TMED10: variants seen among roughly 807,000 people sequenced by gnomAD.
The protein encoded by TMED10 is transmembrane p24 trafficking protein 10.
In TMED10, 7 loss-of-function variants were observed where a neutral mutation model predicts 23.1. The observed-to-expected ratio is 0.30, with a 90% CI of 0.17 to 0.57. The LOEUF (loss-of-function observed/expected upper bound fraction) is 0.57. Among genes scored for constraint, TMED10 ranks in the 20% least tolerant of loss-of-function variants. TMED10 has a pLI of 0.91. For synonymous variants in TMED10, 113 were observed against 106.9 expected, an observed-to-expected ratio of 1.06 and a Z score of -0.35; for missense variants, 162 against 274.8, an observed-to-expected ratio of 0.59 and a Z score of 2.90.
chr14:75,165,239 CT>C (rs200928514), intron 1 of TMED10, among the ~76,000 whole-genome samples: 22 of 151,204 alleles, frequency 1.5e-4, no homozygotes, highest in African/African-American at 4.6e-4. Flanking sequence ...TTCTTTCTTT[CT>C]TTTTTTTTAG....
At chr14:75,147,483 C>T (rs1895901150) in intron 3 of TMED10, 181 bp downstream of exon 3, 5 of 697,798 alleles carry the variant, frequency 7.2e-6, no homozygotes, top group East Asian at 5.1e-5. Flanking sequence ...AGTGAGCCAC[C>T]GCGCCCGGCT....
chr14:75,172,730 T>A (rs2139864334), intron 1 of TMED10, among the ~76,000 whole-genome samples: 1 of 152,274 alleles, frequency 6.6e-6, no homozygotes, highest in South Asian at 2.1e-4. Flanking sequence ...TTTAATACAA[T>A]TTAGCATGAA....
chr14:75,166,475 C>T (rs964850738), intron 1 of TMED10, among the ~76,000 whole-genome samples: 1 of 152,146 alleles, frequency 6.6e-6, no homozygotes, highest in Non-Finnish European at 1.5e-5. Context: ...ATATTTGTTC[C>T]ACTTTCCTAG....
chr14:75,156,916 A>AAAAAAGAAAAG (rs148563522), intron 1 of TMED10, among the ~76,000 whole-genome samples: 1 of 135,578 alleles, frequency 7.4e-6, no homozygotes, highest in Admixed American at 7.8e-5. Context: ...CCGTCTCAAA[A>AAAAAAGAAAAG]AAAAGAAAAG....
chr14:75,164,729 C>T (rs1309092934), intron 1 of TMED10, among the ~76,000 whole-genome samples: 2 of 147,298 alleles, frequency 1.4e-5, no homozygotes, highest in Non-Finnish European at 3.0e-5. Context: ...GGCCCATTAA[C>T]CATATGTTCT....
intron 1 of TMED10, among the ~76,000 whole-genome samples, chr14:75,158,276 G>A (rs977179255): frequency 1.3e-5 from 2 of 152,292 alleles, no homozygotes; most frequent in African/African-American, 4.8e-5. Context: ...TCTTGTTTGT[G>A]TGATAATTTT....
intron 3 of TMED10, 95 bp downstream of exon 3, chr14:75,147,569 T>C: frequency 7.8e-7 from 1 of 1,288,144 alleles, no homozygotes; most frequent in Non-Finnish European, 1.1e-6. Flanking sequence ...ACCACAGCCC[T>C]TTGGGCAAAG....
intron 1 of TMED10, among the ~76,000 whole-genome samples, chr14:75,163,047 C>G (rs750668911): frequency 3.3e-5 from 5 of 150,644 alleles, no homozygotes; most frequent in Non-Finnish European, 4.4e-5. Flanking sequence ...CCAGCCTGGG[C>G]AACACAGGAA....
At chr14:75,169,142 T>G (rs1306918722) in intron 1 of TMED10, among the ~76,000 whole-genome samples, 2 of 152,360 alleles carry the variant, frequency 1.3e-5, no homozygotes, top group East Asian at 3.9e-4. Context: ...AAGGTCCTAC[T>G]ATGTGCCAGG....
At chr14:75,139,756 A>G (rs1895798862) in intron 3 of TMED10, among the ~76,000 whole-genome samples, 1 of 152,114 alleles carries the variant, frequency 6.6e-6, no homozygotes, top group Non-Finnish European at 1.5e-5. Flanking sequence ...TTTTTGCCTA[A>G]TAAGTACCTT....
Position 75,147,637 on chromosome 14 carries a change from T to A in TMED10, c.411+27A>T, listed in dbSNP as rs375500253. 4.8e-4 allele frequency: 782 copies of A among 1,612,862 alleles called. 2 individuals are homozygous for A. The South Asian group carries it at 5.2e-3, about 11-fold the overall frequency. ...CCTCACAGCATAGCACACTGCTGCC[T>A]CCTCTGGCTGTTAGAGCAGGACATA... On this transcript the variant is annotated intron_variant, in intron 3 of 4. Coordinates refer to ENST00000303575, the MANE Select transcript of TMED10 (RefSeq NM_006827.6).
chr14:75,151,096 G>C (rs1895950656), intron 2 of TMED10, among the ~76,000 whole-genome samples: 1 of 152,016 alleles, frequency 6.6e-6, no homozygotes, highest in Admixed American at 6.6e-5. Context: ...AGTAGAGATG[G>C]GGTTTCGCCA....
chr14:75,136,096 C>A (rs921221043), intron 3 of TMED10, among the ~76,000 whole-genome samples: 2 of 152,168 alleles, frequency 1.3e-5, no homozygotes, highest in Admixed American at 1.3e-4. Flanking sequence ...TTAATTTTGA[C>A]TAAAATCTTA....
intron 1 of TMED10, among the ~76,000 whole-genome samples, chr14:75,170,312 G>A (rs1482491903): frequency 6.6e-6 from 1 of 152,148 alleles, no homozygotes; most frequent in Non-Finnish European, 1.5e-5. Flanking sequence ...TCACAAATGT[G>A]TTCTGTGGCT....
At chr14:75,174,934 G>T (rs908281032) in intron 1 of TMED10, among the ~76,000 whole-genome samples, 1 of 150,580 alleles carries the variant, frequency 6.6e-6, no homozygotes, top group Non-Finnish European at 1.5e-5. Flanking sequence ...TAGCTACTCG[G>T]AAGGCTGAGG....
At chr14:75,162,741 C>T (rs530603430) in intron 1 of TMED10, among the ~76,000 whole-genome samples, 158 of 152,004 alleles carry the variant, frequency 1.0e-3, no homozygotes, top group African/African-American at 3.5e-3. Flanking sequence ...GCAGTATCAA[C>T]GTGACAAATC....
intron 2 of TMED10, among the ~76,000 whole-genome samples, chr14:75,148,682 C>T (rs950060871): frequency 3.3e-5 from 5 of 152,188 alleles, no homozygotes; most frequent in Admixed American, 1.3e-4. Context: ...ATAAGCCACA[C>T]TGAATGGTAC....
chr14:75,172,599 C>T (rs926045772), intron 1 of TMED10, among the ~76,000 whole-genome samples: 2 of 152,142 alleles, frequency 1.3e-5, no homozygotes, highest in Admixed American at 1.3e-4. Context: ...TGAGCCACCG[C>T]GCCTGGCCAT....
chr14:75,163,502 G>A (rs559429707), intron 1 of TMED10, among the ~76,000 whole-genome samples: 14 of 140,010 alleles, frequency 1.0e-4, no homozygotes, highest in Middle Eastern at 4.2e-3. Flanking sequence ...GCAGTGAGCC[G>A]AGATCTCGCC....
Sources: gnomAD v4.1 joint callset for allele counts (sites outside exome capture counted in the v4.1 genomes callset) on GRCh38, gnomAD v4.1.1 for gene constraint, MANE v1.5 for transcripts, NCBI Gene and HGNC (gene_info 2026-07-23, HGNC 2026-07-21) for gene names.